Variants in DGKB observed in about 807,000 individuals in gnomAD.
DGKB encodes the protein diacylglycerol kinase beta.
In DGKB, 67 loss-of-function variants were observed where a neutral mutation model predicts 114.3. The ratio of observed to expected loss-of-function variants is 0.59; its 90% confidence interval spans 0.48 to 0.72. The LOEUF is 0.72. DGKB is among the 30% of genes least tolerant of loss of function. DGKB has a pLI of 0.00. For synonymous variants in DGKB, 398 were observed against 323.1 expected, an observed-to-expected ratio of 1.23 and a Z score of -2.49; for missense variants, 907 against 975.2, an observed-to-expected ratio of 0.93 and a Z score of 0.93.
At chr7:14,822,123 A>AT (rs1274951002) in intron 2 of DGKB, among the ~76,000 whole-genome samples, 2 of 152,284 alleles carry the variant, frequency 1.3e-5, no homozygotes, top group Non-Finnish European at 2.9e-5. Flanking sequence ...TAAATAATGC[A>AT]TTTTTTAACT....
At chr7:14,270,374 A>G (rs1798108993) in intron 23 of DGKB, among the ~76,000 whole-genome samples, 1 of 152,010 alleles carries the variant, frequency 6.6e-6, no homozygotes, top group Non-Finnish European at 1.5e-5. Context: ...CTCTCTTTAT[A>G]CCTTGTTGTT....
rs920073053 is a variant in DGKB, at chr7:14,576,485, T to C, written c.1610-2113A>G. ...ATCTATTTTCCAAATTCTGCTTTCATGTCAGAATAAGCTTGATAGTCTCTA... is the reference window on the plus strand; with the variant it reads ...ATCTATTTTCCAAATTCTGCTTTCACGTCAGAATAAGCTTGATAGTCTCTA... On this transcript the variant is annotated intron_variant, in intron 19 of 25. Transcript: ENST00000402815. 5.3e-5 allele frequency among the ~76,000 whole-genome samples: 8 copies of C among 152,006 alleles called. No homozygotes were observed. The South Asian group carries it at 6.2e-4, about 12-fold the overall frequency.
chr7:14,752,915 T>C (rs1834324465), intron 4 of DGKB, among the ~76,000 whole-genome samples: 1 of 152,150 alleles, frequency 6.6e-6, no homozygotes, highest in Non-Finnish European at 1.5e-5. Flanking sequence ...ATAAAGCCTA[T>C]TTAGTCCATA....
At chr7:14,560,582 C>T (rs1414394972) in intron 20 of DGKB, among the ~76,000 whole-genome samples, 1 of 152,130 alleles carries the variant, frequency 6.6e-6, no homozygotes, top group Admixed American at 6.6e-5. Flanking sequence ...TATGTATAGA[C>T]CACATCTTCT....
intron 1 of DGKB, among the ~76,000 whole-genome samples, chr7:14,963,475 A>G (rs1452408164): frequency 6.6e-6 from 1 of 152,164 alleles, no homozygotes; most frequent in Non-Finnish European, 1.5e-5. Context: ...TCAGAATTCA[A>G]TTTATTTAGT....
chr7:14,164,690 C>T (rs117455908), intron 25 of DGKB, among the ~76,000 whole-genome samples: 20 of 152,208 alleles, frequency 1.3e-4, no homozygotes, highest in East Asian at 7.7e-4. Flanking sequence ...TTTTCTGTAA[C>T]ACTTTGGCCG....
intron 21 of DGKB, among the ~76,000 whole-genome samples, chr7:14,364,824 C>T (rs1816374031): frequency 6.6e-6 from 1 of 151,990 alleles, no homozygotes; most frequent in African/African-American, 2.4e-5. Flanking sequence ...CAGGCCCAGA[C>T]TGCACAGGAG....
Position 14,736,208 on chromosome 7 carries a change from A to T in DGKB, c.169-14T>A, listed in dbSNP as rs1564059376. 1 of 1,099,580 alleles carries T rather than the reference A, an allele frequency of 9.1e-7. No individual in the cohort carries two copies. Among genetic ancestry groups the T allele is most frequent in the East Asian group, 2.5e-5 (1 of 40,504 alleles). The allele number at this position is 1,099,580 out of a possible 1,614,324, so 68.1% of individuals were successfully genotyped here. A position where few individuals can be genotyped will look rare whatever the true frequency, so the allele number is the denominator to read the frequency against. ...AAAATCTATTGTCTGGAAAAAAAAAATGTAAACATGTATTTTAAGATCCAA... is the reference window on the plus strand; with the variant it reads ...AAAATCTATTGTCTGGAAAAAAAAATTGTAAACATGTATTTTAAGATCCAA... On this transcript the variant is annotated splice_polypyrimidine_tract_variant and intron_variant, in intron 4 of 25. Coordinates refer to ENST00000402815, the MANE Select transcript of DGKB (RefSeq NM_001350709.2).
In DGKB at chr7:14,145,169, C is replaced by G. The variant is rs969543359; in HGVS notation, c.*3962G>C. 6.6e-6 allele frequency: 1 copy of G among 152,104 alleles called. No individual in the cohort carries two copies. Among genetic ancestry groups the G allele is most frequent in the African/African-American group, 2.4e-5 (1 of 41,428 alleles). The allele number at this position is 152,104 out of a possible 1,614,324, so 9.4% of individuals were successfully genotyped here. Reference sequence around the variant, plus strand: ...AACACAATAAGGTTATACAGAATCTCTCAAATGTGAGTTTACTCAAACTTT... The same window carrying G: ...AACACAATAAGGTTATACAGAATCTGTCAAATGTGAGTTTACTCAAACTTT... On this transcript the variant is annotated 3_prime_UTR_variant, in exon 26 of 26. Transcript: ENST00000402815.
At chr7:14,773,512 G>A (rs1344447858) in intron 2 of DGKB, among the ~76,000 whole-genome samples, 1 of 152,086 alleles carries the variant, frequency 6.6e-6, no homozygotes, top group Admixed American at 6.6e-5. Flanking sequence ...AGGTAATGAA[G>A]AGACCACAAG....
Position 14,630,308 on chromosome 7 carries a change from G to A in DGKB, c.1135-40C>T. 2.0e-6 allele frequency: 3 copies of A among 1,512,910 alleles called. No homozygotes were observed. In the South Asian group the frequency reaches 3.8e-5, roughly 19 times the overall value. 93.7% of individuals were successfully genotyped at this position (1,512,910 alleles called of 1,614,324 possible). A position where few individuals can be genotyped will look rare whatever the true frequency, so the allele number is the denominator to read the frequency against. On this transcript the variant is annotated intron_variant, in intron 13 of 25. Transcript: ENST00000402815. Reference sequence around the variant, plus strand: ...AAGTTCATATGAAAGCTGAAAAAGAGTCAAACTCAAAACAAATCAGTGAAG... The same window carrying A: ...AAGTTCATATGAAAGCTGAAAAAGAATCAAACTCAAAACAAATCAGTGAAG...
At chr7:14,151,562 TAA>T (rs1782214285) in intron 25 of DGKB, among the ~76,000 whole-genome samples, 2 of 152,086 alleles carry the variant, frequency 1.3e-5, no homozygotes, top group Non-Finnish European at 2.9e-5. Flanking sequence ...TCTATGTGAC[TAA>T]GTAAAACACA....
intron 1 of DGKB, among the ~76,000 whole-genome samples, chr7:14,882,980 A>G (rs748194259): frequency 5.9e-5 from 9 of 151,926 alleles, no homozygotes; most frequent in Non-Finnish European, 1.3e-4. Context: ...ATATTTCTAT[A>G]TGAAATATGG....
At chr7:14,438,957 T>G (rs1829669921) in intron 21 of DGKB, among the ~76,000 whole-genome samples, 1 of 151,446 alleles carries the variant, frequency 6.6e-6, no homozygotes, top group South Asian at 2.1e-4. Context: ...ATCCTATATG[T>G]GGGAAAATTA....
intron 7 of DGKB, among the ~76,000 whole-genome samples, chr7:14,699,017 T>C (rs1391514462): frequency 6.6e-6 from 1 of 151,990 alleles, no homozygotes; most frequent in Non-Finnish European, 1.5e-5. Flanking sequence ...TCTAATCTAA[T>C]ATATGTAGTC....
At chr7:14,617,808 C>T (rs1806825776) in intron 15 of DGKB, among the ~76,000 whole-genome samples, 1 of 151,518 alleles carries the variant, frequency 6.6e-6, no homozygotes, top group African/African-American at 2.4e-5. Flanking sequence ...TCCAAATGAC[C>T]AACTGCTTCA....
chr7:14,788,684 C>T (rs938781651), intron 2 of DGKB, among the ~76,000 whole-genome samples: 1 of 152,110 alleles, frequency 6.6e-6, no homozygotes, highest in African/African-American at 2.4e-5. Context: ...CTGGAAAACA[C>T]AATCAAGTTT....
intron 13 of DGKB, among the ~76,000 whole-genome samples, chr7:14,667,604 T>C (rs1818262161): frequency 6.6e-6 from 1 of 151,964 alleles, no homozygotes; most frequent in Non-Finnish European, 1.5e-5. Flanking sequence ...CAACATGATA[T>C]ATGTGAGGAC....
chr7:14,508,137 ATCTTG>A (rs1289408381), intron 20 of DGKB, among the ~76,000 whole-genome samples: 3 of 152,204 alleles, frequency 2.0e-5, no homozygotes, highest in South Asian at 2.1e-4. Context: ...AGAAACGTGC[ATCTTG>A]TCTTTATTTA....
Sources: gnomAD v4.1 joint callset for allele counts (sites outside exome capture counted in the v4.1 genomes callset) on GRCh38, gnomAD v4.1.1 for gene constraint, MANE v1.5 for transcripts, NCBI Gene and HGNC (gene_info 2026-07-23, HGNC 2026-07-21) for gene names.